STIM1: variants seen among roughly 807,000 people sequenced by gnomAD.
STIM1 encodes the protein stromal interaction molecule 1.
STIM1 carries 25 observed loss-of-function variants against 74.7 expected under a neutral mutation model. The observed-to-expected ratio is 0.33, with a 90% CI of 0.24 to 0.47. STIM1 has a LOEUF of 0.47. Among genes scored for constraint, STIM1 ranks in the 20% least tolerant of loss-of-function variants. The pLI is 1.00. For synonymous variants in STIM1, 328 were observed against 348.8 expected, an observed-to-expected ratio of 0.94 and a Z score of 0.66; for missense variants, 728 against 920.8, an observed-to-expected ratio of 0.79 and a Z score of 2.71.
chr11:3,967,906 C>A (rs1422109312), intron 2 of STIM1, among the ~76,000 whole-genome samples: 1 of 152,182 alleles, frequency 6.6e-6, no homozygotes. Flanking sequence ...CTGGCTGCCC[C>A]CTGCCTACTG....
intron 2 of STIM1, among the ~76,000 whole-genome samples, chr11:4,012,657 A>G (rs929851867): frequency 2.6e-5 from 4 of 152,210 alleles, no homozygotes; most frequent in African/African-American, 9.6e-5. Flanking sequence ...ATATACAATC[A>G]TGTCATCTGC....
upstream of STIM1, chr11:3,854,616 A>T (rs2090294694): frequency 6.6e-6 from 1 of 152,274 alleles, no homozygotes; most frequent in East Asian, 1.9e-4. Flanking sequence ...TCTTTGGCGC[A>T]CTCATTCTCA....
chr11:3,985,641 G>A (rs1023905364), intron 2 of STIM1, among the ~76,000 whole-genome samples: 1 of 152,198 alleles, frequency 6.6e-6, no homozygotes, highest in African/African-American at 2.4e-5. Flanking sequence ...AGAGTGGTAG[G>A]CAGAATGCAG....
chr11:3,892,734 A>C, intron 1 of STIM1: 7 of 1,613,228 alleles, frequency 4.3e-6, no homozygotes, highest in Non-Finnish European at 5.9e-6. Context: ...CTGTGAAAGC[A>C]GGAACCCTTA....
At chr11:3,920,881 C>T (rs752830312) in intron 1 of STIM1, among the ~76,000 whole-genome samples, 10 of 151,500 alleles carry the variant, frequency 6.6e-5, no homozygotes, top group Non-Finnish European at 1.3e-4. Context: ...CTACAGCCTC[C>T]ACCTTCTGGG....
chr11:4,044,795 G>A (rs2094177452), intron 3 of STIM1, among the ~76,000 whole-genome samples: 1 of 152,080 alleles, frequency 6.6e-6, no homozygotes, highest in Admixed American at 6.6e-5. Context: ...GGCCCCCTTG[G>A]CAACCCCGTG....
chr11:3,856,283 G>C lies in STIM1; in HGVS notation c.13G>C (p.Val5Leu). MDVC[V>L]RLALWLLWGL... is the part of the protein sequence containing the mutation. Reference sequence around the variant, plus strand: ...GAGACCTAGAGTCATGGATGTATGCGTCCGTCTTGCCCTGTGGCTCCTCTG... The same window carrying C: ...GAGACCTAGAGTCATGGATGTATGCCTCCGTCTTGCCCTGTGGCTCCTCTG... Residue 5 changes from valine to leucine, a missense_variant, in exon 1 of 13, where the codon GTC becomes CTC. Physicochemically the swap from Val to Leu is conservative, Grantham distance 32 (BLOSUM62 1). Around this residue, in one of 5 missense-constraint regions of STIM1, gnomAD observed 62 missense variants for 55.5 expected, o/e 1.12. Coordinates refer to ENST00000526596, the MANE Select transcript of STIM1 (RefSeq NM_001382567.1). 6.2e-7 allele frequency: 1 copy of C among 1,614,140 alleles called. No individual in the cohort carries two copies. The highest frequency in any genetic ancestry group is 1.6e-4 in the Middle Eastern group (1 of 6,062).
intron 7 of STIM1, among the ~76,000 whole-genome samples, chr11:4,078,834 G>A (rs984322236): frequency 2.6e-5 from 4 of 151,882 alleles, no homozygotes; most frequent in South Asian, 4.1e-4. Flanking sequence ...GCCTCCCAAA[G>A]TGCTGGGATT....
intron 10 of STIM1, among the ~76,000 whole-genome samples, chr11:4,084,246 G>A (rs1317478878): frequency 6.6e-6 from 1 of 152,236 alleles, no homozygotes; most frequent in Non-Finnish European, 1.5e-5. Context: ...AAGTAGAATA[G>A]CCCTTATGGT....
chr11:3,985,087 A>G (rs900627070), intron 2 of STIM1, among the ~76,000 whole-genome samples: 2 of 152,176 alleles, frequency 1.3e-5, no homozygotes, highest in African/African-American at 4.8e-5. Context: ...AGCCAGATAC[A>G]AGATGAGGCA....
At chr11:4,016,658 A>G (rs1004180276) in intron 2 of STIM1, among the ~76,000 whole-genome samples, 1 of 152,222 alleles carries the variant, frequency 6.6e-6, no homozygotes, top group Non-Finnish European at 1.5e-5. Context: ...GCCCCCAGAG[A>G]TGGAATCTAG....
At chr11:4,026,776 A>C (rs921455369) in intron 3 of STIM1, among the ~76,000 whole-genome samples, 12 of 152,228 alleles carry the variant, frequency 7.9e-5, no homozygotes, top group Non-Finnish European at 1.2e-4. Context: ...TGAATATGGC[A>C]CTTTTGTGTC....
rs371443288 is a variant in STIM1 at position 4,088,568 on chromosome 11, T to C, written c.1634+2025T>C. On this transcript the variant is annotated intron_variant, in intron 12 of 12. Transcript: ENST00000526596. ...TACAGATGGAGAGGATCAAATTGGG[T>C]TGGGGACACTAAGGGATGCTGTGAA... is the stretch of plus-strand genomic sequence containing the variant. The C allele has an allele frequency of 3.8e-4, 293 of 761,114 alleles. 1 individual carries two copies. The highest frequency in any genetic ancestry group is 3.7e-3 in the Middle Eastern group (16 of 4,378). 47.1% of individuals were successfully genotyped at this position (761,114 alleles called of 1,614,324 possible).
At chr11:4,036,140 G>A (rs530215069) in intron 3 of STIM1, among the ~76,000 whole-genome samples, 19 of 152,238 alleles carry the variant, frequency 1.2e-4, no homozygotes, top group South Asian at 4.1e-4. Flanking sequence ...ATTTGCTGAG[G>A]ATAACAGCTT....
At chr11:3,963,264 G>A (rs1279447824) in intron 1 of STIM1, among the ~76,000 whole-genome samples, 3 of 152,110 alleles carry the variant, frequency 2.0e-5, no homozygotes, top group Non-Finnish European at 4.4e-5. Flanking sequence ...AAAGGCCCCA[G>A]TGTGTGTTGT....
chr11:3,929,946 C>T (rs912869217), intron 1 of STIM1, among the ~76,000 whole-genome samples: 1 of 152,120 alleles, frequency 6.6e-6, no homozygotes, highest in Non-Finnish European at 1.5e-5. Context: ...CTTCCAGCAG[C>T]CTGCTTGCTG....
chr11:3,902,478 G>C (rs1285771140), intron 1 of STIM1, among the ~76,000 whole-genome samples: 2 of 152,188 alleles, frequency 1.3e-5, no homozygotes, highest in African/African-American at 4.8e-5. Context: ...TTTCACTTCA[G>C]ATCATCAGGC....
chr11:3,925,707 T>C (rs1441097890), intron 1 of STIM1, among the ~76,000 whole-genome samples: 1 of 152,196 alleles, frequency 6.6e-6, no homozygotes, highest in African/African-American at 2.4e-5. Flanking sequence ...TAAAGTTTTA[T>C]TGGAACAAAG....
intron 6 of STIM1, among the ~76,000 whole-genome samples, chr11:4,070,866 C>T (rs762925759): frequency 1.2e-4 from 18 of 152,182 alleles, no homozygotes; most frequent in Admixed American, 7.8e-4. Flanking sequence ...TCAGTCCTGA[C>T]GTCTAGGAAC....
Sources: gnomAD v4.1 joint callset for allele counts (sites outside exome capture counted in the v4.1 genomes callset) on GRCh38, gnomAD v4.1.1 for gene constraint, gnomAD v4.1.1 regional missense constraint, MANE v1.5 for transcripts, NCBI Gene and HGNC (gene_info 2026-07-23, HGNC 2026-07-21) for gene names.